TRAPPC9: variants seen among roughly 807,000 people sequenced by gnomAD.
TRAPPC9 encodes IKK2 binding protein.
In TRAPPC9, 83 loss-of-function variants were observed where a neutral mutation model predicts 124.0. The observed-to-expected ratio is 0.67, with a 90% CI of 0.56 to 0.80. TRAPPC9 has a LOEUF of 0.80. TRAPPC9 is among the 30% of genes least tolerant of loss of function. The pLI is 0.00. For missense variants in TRAPPC9, 1,302 were observed against 1,508.3 expected (o/e 0.86, Z 2.27); for synonymous variants, 638 against 617.5 (o/e 1.03, Z -0.49).
chr8:139,971,977 A>G (rs1836133557), intron 19 of TRAPPC9, among the ~76,000 whole-genome samples: 2 of 151,926 alleles, frequency 1.3e-5, no homozygotes, highest in African/African-American at 4.8e-5. Context: ...ACGCGCCACC[A>G]TGCCCGCCTA....
At chr8:139,847,978 G>A (rs1214936784) in intron 21 of TRAPPC9, among the ~76,000 whole-genome samples, 1 of 152,240 alleles carries the variant, frequency 6.6e-6, no homozygotes, top group Non-Finnish European at 1.5e-5. Flanking sequence ...GGGCACGTGG[G>A]GCCTGGACTT....
chr8:140,398,118 C>T (rs541860256), intron 6 of TRAPPC9, among the ~76,000 whole-genome samples: 91 of 152,340 alleles, frequency 6.0e-4, no homozygotes, highest in South Asian at 2.9e-3. Context: ...TGACTTGCTC[C>T]TCCTTGCCTT....
chr8:140,011,670 A>ATT (rs56884853), intron 18 of TRAPPC9, among the ~76,000 whole-genome samples: 1,133 of 62,614 alleles, frequency 0.018, 74 homozygotes, highest in African/African-American at 0.04. Context: ...CACCCAGCTA[A>ATT]TTTTTTTTTT....
At chr8:140,338,031 T>C (rs2132040480) in intron 9 of TRAPPC9, among the ~76,000 whole-genome samples, 1 of 152,270 alleles carries the variant, frequency 6.6e-6, no homozygotes, top group East Asian at 1.9e-4. Flanking sequence ...TTTTATTTTA[T>C]ACCAAGGAAT....
At chr8:140,022,860 T>A (rs528169827) in intron 18 of TRAPPC9, among the ~76,000 whole-genome samples, 33 of 152,354 alleles carry the variant, frequency 2.2e-4, no homozygotes, top group African/African-American at 7.7e-4. Context: ...CCATTAATTC[T>A]TGCTGAAGGC....
chr8:139,800,891 GCCCTCCGGTACCTTCCCT>G (rs1305832010), intron 21 of TRAPPC9, among the ~76,000 whole-genome samples: 113 of 66,566 alleles, frequency 1.7e-3, no homozygotes, highest in African/African-American at 5.1e-3. Context: ...GTATCTTCCC[GCCCTCCGGTACCTTCCCT>G]CCCTCCGGTA....
chr8:140,457,508 G>T (rs2071724327), intron 1 of TRAPPC9, 131 bp downstream of exon 1: 1 of 770,368 alleles, frequency 1.3e-6, no homozygotes, highest in Non-Finnish European at 1.6e-6. Flanking sequence ...CAGGTGTGGC[G>T]GGCTCCGCCC....
intron 21 of TRAPPC9, among the ~76,000 whole-genome samples, chr8:139,787,135 T>C (rs1822311188): frequency 1.3e-5 from 2 of 152,192 alleles, no homozygotes; most frequent in South Asian, 4.1e-4. Context: ...AGTAAGTCCT[T>C]GCCTTTCTTA....
chr8:140,164,516 G>A (rs942379677), intron 17 of TRAPPC9, among the ~76,000 whole-genome samples: 3 of 152,222 alleles, frequency 2.0e-5, no homozygotes, highest in South Asian at 4.1e-4. Flanking sequence ...ACGCTGGGAT[G>A]CAGAATTCAG....
At chr8:139,789,721 G>A (rs775414952) in intron 21 of TRAPPC9, among the ~76,000 whole-genome samples, 4 of 152,238 alleles carry the variant, frequency 2.6e-5, no homozygotes, top group East Asian at 1.9e-4. Context: ...CACCTGTGAC[G>A]CCGGAAGCCT....
chr8:140,081,346 C>CTT lies in TRAPPC9; in HGVS notation c.2557-57269_2557-57268dup, dbSNP rs1554620187. Among the ~76,000 whole-genome samples the CTT allele has an allele frequency of 1.5e-3, 217 of 141,040 alleles. 2 individuals carry two copies. Among genetic ancestry groups the CTT allele is most frequent in the South Asian group, 7.0e-3 (31 of 4,434 alleles). 92.5% of individuals were successfully genotyped at this position (141,040 alleles called of 152,430 possible). A position where few individuals can be genotyped will look rare whatever the true frequency, so the allele number is the denominator to read the frequency against. ...GTCAAGGTGAAGAATAAAATGAATGCTTTTTTTTTTTTTTTTTGAGACAGA... is the reference window on the plus strand; with the variant it reads ...GTCAAGGTGAAGAATAAAATGAATGCTTTTTTTTTTTTTTTTTTTGAGACAGA... On this transcript the variant is annotated intron_variant, in intron 17 of 22. Transcript: ENST00000438773.
chr8:140,318,012 G>A lies in TRAPPC9; in HGVS notation c.1496-6638C>T, dbSNP rs930315994. On this transcript the variant is annotated intron_variant, in intron 9 of 22. Coordinates refer to ENST00000438773, the MANE Select transcript of TRAPPC9 (RefSeq NM_001160372.4). ...TTATTAATGTTTTAAGTATAATATT[G>A]TAGTTATATAAGAAAATGCTCATTT... Among the ~76,000 whole-genome samples the A allele has an allele frequency of 2.0e-5, 3 of 152,102 alleles. No individual in the cohort carries two copies. The South Asian group carries it at 6.2e-4, about 31-fold the overall frequency.
chr8:139,993,341 A>G (rs368932903), intron 18 of TRAPPC9, among the ~76,000 whole-genome samples: 95 of 152,350 alleles, frequency 6.2e-4, no homozygotes, highest in African/African-American at 2.1e-3. Flanking sequence ...AGTTAGAGAA[A>G]TGGAAATAAA....
intron 17 of TRAPPC9, among the ~76,000 whole-genome samples, chr8:140,031,987 C>T (rs1840523752): frequency 6.6e-6 from 1 of 152,140 alleles, no homozygotes; most frequent in Non-Finnish European, 1.5e-5. Context: ...ACCTGGGACC[C>T]CCAACCTAAC....
chr8:140,197,796 G>A (rs1354239550), intron 17 of TRAPPC9, among the ~76,000 whole-genome samples: 1 of 151,978 alleles, frequency 6.6e-6, no homozygotes, highest in Non-Finnish European at 1.5e-5. Context: ...GGGGGAGCCA[G>A]CACGGGCTAA....
intron 17 of TRAPPC9, among the ~76,000 whole-genome samples, chr8:140,046,299 C>G (rs927239160): frequency 6.6e-6 from 1 of 152,282 alleles, no homozygotes; most frequent in Non-Finnish European, 1.5e-5. Flanking sequence ...CTCTGTGAGA[C>G]AGGGCAACAA....
intron 17 of TRAPPC9, among the ~76,000 whole-genome samples, chr8:140,057,737 G>GT (rs1842370517): frequency 6.6e-6 from 1 of 152,090 alleles, no homozygotes; most frequent in South Asian, 2.1e-4. Context: ...TACAAGGTGA[G>GT]TAAGTTTAGA....
intron 9 of TRAPPC9, among the ~76,000 whole-genome samples, chr8:140,339,695 C>T (rs1279423052): frequency 3.9e-5 from 6 of 152,144 alleles, no homozygotes; most frequent in Admixed American, 6.5e-5. Flanking sequence ...TCCAATACTG[C>T]GTATGAAACC....
In TRAPPC9 at chr8:139,888,837, A is replaced by G. The variant is rs370402794; in HGVS notation, c.2965-2868T>C. ...TTCTAGCATTCACCTCATTCATTCA[A>G]TAGTTAACAGGCAGCTATCTGAGCT... On this transcript the variant is annotated intron_variant, in intron 20 of 22. Transcript: ENST00000438773. 4.6e-5 allele frequency among the ~76,000 whole-genome samples: 7 copies of G among 152,324 alleles called. No individual in the cohort carries two copies. The South Asian group carries it at 1.2e-3, about 27-fold the overall frequency.
Sources: gnomAD v4.1 joint callset for allele counts (sites outside exome capture counted in the v4.1 genomes callset) on GRCh38, gnomAD v4.1.1 for gene constraint, MANE v1.5 for transcripts, NCBI Gene and HGNC (gene_info 2026-07-23, HGNC 2026-07-21) for gene names.